The following MYO15A variants were observed in gnomAD, a reference collection of about 807,000 sequenced individuals.
The protein encoded by MYO15A is myosin XVA.
Under a neutral mutation model 394.6 loss-of-function variants are expected in MYO15A, and 308 were observed. The ratio of observed to expected loss-of-function variants is 0.78; its 90% CI spans 0.71 to 0.86. MYO15A has a LOEUF of 0.86. Ranked by LOEUF, MYO15A falls within the 40% of genes least tolerant of loss-of-function variation. The pLI, the probability that MYO15A is intolerant of heterozygous loss-of-function variation, is 0.00. For missense variants in MYO15A, 4,606 were observed against 4,799.1 expected (o/e 0.96, Z 1.19); for synonymous variants, 1,957 against 2,003.8 (o/e 0.98, Z 0.62).
Position 18,148,451 on chromosome 17 carries a change from G to A in MYO15A, c.6692-45G>A. 2 of 1,549,204 alleles carry A rather than the reference G, an allele frequency of 1.3e-6. No individual in the cohort carries two copies. The highest frequency in any genetic ancestry group is 1.7e-6 in the Non-Finnish European group (2 of 1,145,402). ...GCAAGCAGGGAGGCACAGCCAAACTGGACTCAGATGCTCCAACCTGAGCCC... is the reference window on the plus strand; with the variant it reads ...GCAAGCAGGGAGGCACAGCCAAACTAGACTCAGATGCTCCAACCTGAGCCC... On this transcript the variant is annotated intron_variant, in intron 31 of 65. Transcript: ENST00000647165. The surrounding 1 kb of genome is among the most constrained non-coding windows in gnomAD (Gnocchi z 4.8).
Position 18,166,344 on chromosome 17 carries a change from C to A in MYO15A, c.9788-17C>A. On this transcript the variant is annotated splice_polypyrimidine_tract_variant and intron_variant, in intron 60 of 65. Transcript: ENST00000647165. Reference sequence around the variant, plus strand: ...CACACATGCCCCCACCCAGCCCTGCCTCCCTGCTCTCTGCAGGCCAGCATG... The same window carrying A: ...CACACATGCCCCCACCCAGCCCTGCATCCCTGCTCTCTGCAGGCCAGCATG... The A allele has an allele frequency of 6.2e-7, 1 of 1,610,806 alleles. No individual in the cohort carries two copies.
Position 18,163,225 on chromosome 17 carries a change from TC to T in MYO15A, c.9613-16del, listed in dbSNP as rs752987865. 1 of 1,613,414 alleles carries T rather than the reference TC, an allele frequency of 6.2e-7. No homozygotes were observed. The highest frequency in any genetic ancestry group is 8.5e-7 in the Non-Finnish European group (1 of 1,179,342). On this transcript the variant is annotated intron_variant, in intron 58 of 65. Transcript: ENST00000647165. ...CCTAGGACCCAACCTGTCATCCCTC[TC>T]CCACCTATCTACCCCAGGCAGGCCG...
In MYO15A at chr17:18,143,969, C is replaced by G. The variant is rs878854414; in HGVS notation, c.6146C>G (p.Pro2049Arg). The G allele has an allele frequency of 2.5e-6, 4 of 1,613,340 alleles. No homozygotes were observed. The highest frequency in any genetic ancestry group is 1.6e-4 in the Middle Eastern group (1 of 6,082). ...VTLPLDINNYPMAKFVQCHFK... is the reference protein window; with the variant it reads ...VTLPLDINNYRMAKFVQCHFK... Reference sequence around the variant, plus strand: ...CTGCCCCTGGACATCAACAACTATCCTATGGCCAAGTTTGTCCAGTGCCAC... The same window carrying G: ...CTGCCCCTGGACATCAACAACTATCGTATGGCCAAGTTTGTCCAGTGCCAC... The change falls in exon 28 of 66, where the codon CCT becomes CGT. Residue 2049 changes from proline to arginine, a missense_variant. By Grantham distance (103) the Pro-to-Arg change is moderately radical. This residue lies in a region of MYO15A where 2,776 missense variants were observed against 3,109.3 expected (regional missense o/e 0.89). Transcript: ENST00000647165.
chr17:18,128,722 C>A (rs975903185), intron 7 of MYO15A, among the ~76,000 whole-genome samples: 5 of 152,162 alleles, frequency 3.3e-5, no homozygotes, highest in Admixed American at 3.3e-4. Context: ...AGCTTTACGG[C>A]AACCCTGGGA....
At position 18,117,313 on chromosome 17, in the gene MYO15A, A is replaced by T. The variant is rs566931987; in HGVS notation, c.-219-1269A>T. ...GAGAGGGGGAGACCTCACTTGCTGC[A>T]TGGTCCCCTCTCTGCTCCTGCCACT... is the stretch of plus-strand genomic sequence containing the variant. On this transcript the variant is annotated intron_variant, in intron 1 of 65. Transcript: ENST00000647165. This position sits in a 1 kb window ranked among gnomAD's most constrained non-coding sequence, Gnocchi z 4.1. Among the ~76,000 whole-genome samples the T allele has an allele frequency of 4.6e-5, 7 of 152,222 alleles. No homozygotes were observed.
At chr17:18,131,582 G>T (rs760655228) in intron 10 of MYO15A, 51 bp downstream of exon 10, 2 of 1,604,094 alleles carry the variant, frequency 1.2e-6, no homozygotes, top group African/African-American at 1.3e-5. Flanking sequence ...GGGGTGGGAG[G>T]TACAGATACT....
intron 50 of MYO15A, 36 bp downstream of exon 50, chr17:18,157,266 G>A (rs201606233): frequency 4.8e-4 from 760 of 1,569,664 alleles, no homozygotes; most frequent in African/African-American, 1.7e-3. Flanking sequence ...CATACGGGGC[G>A]CATCCTAGTT....
chr17:18,126,273 T>C, intron 4 of MYO15A, 74 bp from the exon 5 acceptor site: 1 of 1,269,984 alleles, frequency 7.9e-7, no homozygotes, highest in South Asian at 1.2e-5. Context: ...GGAGCCAGGC[T>C]CCCAGCATAG....
chr17:18,169,991 A>C (rs943812525), intron 62 of MYO15A, among the ~76,000 whole-genome samples: 14 of 151,042 alleles, frequency 9.3e-5, no homozygotes, highest in South Asian at 6.3e-4. Context: ...AAAAAAAAAA[A>C]AAAAAACCAT....
At chr17:18,113,173 C>T (rs1276822991) in intron 1 of MYO15A, among the ~76,000 whole-genome samples, 1 of 151,998 alleles carries the variant, frequency 6.6e-6, no homozygotes, top group African/African-American at 2.4e-5. Context: ...TTTGTTTTGA[C>T]ACAGAGTCTT....
chr17:18,141,320 T>C (rs2046375272), intron 22 of MYO15A, among the ~76,000 whole-genome samples, 177 bp downstream of exon 22: 3 of 151,510 alleles, frequency 2.0e-5, no homozygotes, highest in African/African-American at 7.3e-5. Context: ...TTGTTTTGCC[T>C]TTTTTTGTAG....
chr17:18,129,536 GGTATTGTT>G (rs2046114123), intron 7 of MYO15A, among the ~76,000 whole-genome samples: 1 of 152,154 alleles, frequency 6.6e-6, no homozygotes, highest in Non-Finnish European at 1.5e-5. Context: ...CAAAATTACA[GGTATTGTT>G]TCTGTGGTGA....
In MYO15A at chr17:18,148,542, G is replaced by A. The variant is rs1335798921; in HGVS notation, c.6738G>A (p.Glu2246=). The change falls in exon 32 of 66, where the codon GAG becomes GAA. Residue 2246 remains glutamate, a synonymous_variant. Coordinates refer to ENST00000647165, the MANE Select transcript of MYO15A (RefSeq NM_016239.4). The surrounding 1 kb of genome is among the most constrained non-coding windows in gnomAD (Gnocchi z 4.8). ...TGCACTCCTGGAGTACGGGGGAAGAGGTGGCTGGAGACATTCTGAGGCACA... is the reference window on the plus strand; with the variant it reads ...TGCACTCCTGGAGTACGGGGGAAGAAGTGGCTGGAGACATTCTGAGGCACA... ...CPVHSWSTGE[E]VAGDILRHRG... 1 of 1,552,574 alleles carries A rather than the reference G, an allele frequency of 6.4e-7. No homozygotes were observed. Among genetic ancestry groups the A allele is most frequent in the South Asian group, 1.2e-5 (1 of 84,114 alleles).
At position 18,121,532 on chromosome 17, in the gene MYO15A, G is replaced by A. The variant is rs1416619540; in HGVS notation, c.2732G>A (p.Arg911Gln). The A allele has an allele frequency of 1.1e-5, 17 of 1,568,724 alleles. No individual in the cohort carries two copies. Among genetic ancestry groups the A allele is most frequent in the Middle Eastern group, 1.7e-4 (1 of 5,920 alleles). ...CCCCTGGAACACCGGGAGAGCCCGC[G>A]AGAACCCGAGGACTCAGAGACGCCC... The part of the protein sequence containing the change: ...RAPLEHRESP[R>Q]EPEDSETPWT... Residue 911 changes from arginine (R) to glutamine (Q), a missense_variant, in exon 2 of 66, where the codon CGA becomes CAA. Arg to Gln is a conservative substitution (Grantham distance 43). This residue lies in a region of MYO15A where 1,830 missense variants were observed against 1,689.7 expected (regional missense o/e 1.08). Coordinates refer to ENST00000647165, the MANE Select transcript of MYO15A (RefSeq NM_016239.4). The surrounding 1 kb of genome is among the most constrained non-coding windows in gnomAD (Gnocchi z 5.3).
intron 13 of MYO15A, among the ~76,000 whole-genome samples, 179 bp downstream of exon 13, chr17:18,136,003 G>C (rs2046260344): frequency 6.6e-6 from 1 of 152,164 alleles, no homozygotes; most frequent in Non-Finnish European, 1.5e-5. Flanking sequence ...GTCTCAGACT[G>C]TTGCATAGGC....
Position 18,149,325 on chromosome 17 carries a change from G to A in MYO15A, c.7066G>A (p.Asp2356Asn). The change falls in exon 34 of 66, where the codon GAC (aspartate) becomes AAC (asparagine). Residue 2356 changes from aspartate to asparagine, a missense_variant. Asp to Asn is a conservative substitution (Grantham distance 23). This residue lies in a region of MYO15A where 2,776 missense variants were observed against 3,109.3 expected (regional missense o/e 0.89). Transcript: ENST00000647165. The part of the protein sequence containing the change: ...DSDGYSSHNQ[D>N]GTNGETEAQR... ...TGATGGGTACAGCAGCCACAATCAG[G>A]ACGGTACAAATGGGGAGACTGAGGC... 2 of 1,612,554 alleles carry A rather than the reference G, an allele frequency of 1.2e-6. No homozygotes were observed. Among genetic ancestry groups the A allele is most frequent in the Non-Finnish European group, 1.7e-6 (2 of 1,179,136 alleles).
chr17:18,114,134 A>C lies in MYO15A; in HGVS notation c.-219-4448A>C, dbSNP rs117028209. On this transcript the variant is annotated intron_variant, in intron 1 of 65. Coordinates refer to ENST00000647165, the MANE Select transcript of MYO15A (RefSeq NM_016239.4). ...TCTTGTCCTTTTTCTTTTTTAAAACAATCAATATATAATCCGCACTCCATA... is the reference window on the plus strand; with the variant it reads ...TCTTGTCCTTTTTCTTTTTTAAAACCATCAATATATAATCCGCACTCCATA... 3.8e-4 allele frequency among the ~76,000 whole-genome samples: 57 copies of C among 151,992 alleles called. 1 individual carries two copies. In the East Asian group the frequency reaches 0.011, roughly 29 times the overall value.
chr17:18,131,628 A>G, intron 10 of MYO15A, 97 bp downstream of exon 10: 1 of 1,416,056 alleles, frequency 7.1e-7, no homozygotes, highest in Non-Finnish European at 9.9e-7. Context: ...GGTAGACGTC[A>G]AATTAATGAA....
At position 18,166,664 on chromosome 17, in the gene MYO15A, A is replaced by G. The variant is rs540371043; in HGVS notation, c.9948+143A>G. 4.5e-5 allele frequency: 52 copies of G among 1,167,522 alleles called. No individual in the cohort carries two copies. The African/African-American group carries it at 6.2e-4, about 14-fold the overall frequency. 72.3% of individuals were successfully genotyped at this position (1,167,522 alleles called of 1,614,324 possible). A position where few individuals can be genotyped will look rare whatever the true frequency, so the allele number is the denominator to read the frequency against. Reference sequence around the variant, plus strand: ...CTAGCCCTGATGTCTCTGCTCCCCTATGTGGTCTCTTTGGAGAAATCGAAA... The same window carrying G: ...CTAGCCCTGATGTCTCTGCTCCCCTGTGTGGTCTCTTTGGAGAAATCGAAA... On this transcript the variant is annotated intron_variant, in intron 61 of 65. Transcript: ENST00000647165.
Sources: gnomAD v4.1 joint callset for allele counts (sites outside exome capture counted in the v4.1 genomes callset) on GRCh38, gnomAD v4.1.1 for gene constraint, gnomAD v4.1.1 regional missense constraint, Gnocchi (gnomAD v3.1) non-coding constraint, MANE v1.5 for transcripts, NCBI Gene and HGNC (gene_info 2026-07-23, HGNC 2026-07-21) for gene names.